CREBZF: variants seen among roughly 807,000 people sequenced by gnomAD.
CREBZF encodes CREB/ATF bZIP transcription factor, also known as HCF-binding transcription factor Zhangfei.
CREBZF carries 8 observed loss-of-function variants against 21.1 expected under a neutral mutation model. The ratio of observed to expected loss-of-function variants is 0.38; its 90% CI spans 0.22 to 0.68. The LOEUF (loss-of-function observed/expected upper bound fraction) is 0.68. Ranked by LOEUF, CREBZF falls within the 30% of genes least tolerant of loss-of-function variation. The pLI is 0.51. For missense variants in CREBZF, 518 were observed against 484.3 expected (o/e 1.07, Z -0.65); for synonymous variants, 270 against 223.3 (o/e 1.21, Z -1.86).
At chr11:85,682,528 G>A (rs2082982861) in intron 1 of CREBZF, among the ~76,000 whole-genome samples, 1 of 152,094 alleles carries the variant, frequency 6.6e-6, no homozygotes, top group South Asian at 2.1e-4. Flanking sequence ...GAACAGTACC[G>A]TCCTCAGACC....
chr11:85,674,635 T>G (rs913380830), intron 1 of CREBZF, among the ~76,000 whole-genome samples: 17 of 152,252 alleles, frequency 1.1e-4, no homozygotes, highest in Admixed American at 3.3e-4. Context: ...TGCCAGGCAT[T>G]GACTTCTCTA....
chr11:85,682,504 C>T (rs1353685169), intron 1 of CREBZF, among the ~76,000 whole-genome samples: 1 of 152,184 alleles, frequency 6.6e-6, no homozygotes, highest in African/African-American at 2.4e-5. Flanking sequence ...ACACAAACTC[C>T]TCAGCACAGC....
At chr11:85,675,034 C>T (rs139582124) in intron 1 of CREBZF, among the ~76,000 whole-genome samples, 24 of 152,320 alleles carry the variant, frequency 1.6e-4, no homozygotes, top group African/African-American at 4.8e-4. Flanking sequence ...GGTTTGGCTT[C>T]GGCTTAAAGG....
At chr11:85,666,778 A>G (rs1247268657), upstream of CREBZF, among the ~76,000 whole-genome samples, 1 of 152,238 alleles carries the variant, frequency 6.6e-6, no homozygotes, top group Non-Finnish European at 1.5e-5. Flanking sequence ...CCATAACACT[A>G]AAGCTCACCT....
rs752024778 is a variant in CREBZF, at chr11:85,664,765, C to T, written c.111G>A (p.Arg37=). 9.3e-6 allele frequency: 15 copies of T among 1,607,640 alleles called. No individual in the cohort carries two copies. The highest frequency in any genetic ancestry group is 1.1e-5 in the Non-Finnish European group (13 of 1,178,348). The change falls in exon 1 of 1, where the codon CGG becomes CGA. Residue 37 remains arginine (R), a synonymous_variant. Transcript: ENST00000527447. The surrounding 1 kb of genome is among the most constrained non-coding windows in gnomAD (Gnocchi z 5.5). ...CCGTCTCCTCCTCCCCCGCTGCAGC[C>T]CGGGTCAGGTCAGAGGGCAGCGAAC... is the stretch of plus-strand genomic sequence containing the variant. ...ATCSLPSDLT[R]AAAGEEETAA...
At position 85,658,254 on chromosome 11, in the gene CREBZF, T is replaced by C. The variant is rs534174396; in HGVS notation, c.*5557A>G. ...ATGATATAACTAAGTTCTTTGACGATTGAGCACACATTGTTTCCTTACTTA... is the reference window on the plus strand; with the variant it reads ...ATGATATAACTAAGTTCTTTGACGACTGAGCACACATTGTTTCCTTACTTA... On this transcript the variant is annotated 3_prime_UTR_variant, in exon 1 of 1. Coordinates refer to ENST00000527447, the MANE Select transcript of CREBZF (RefSeq NM_001039618.4). Among the ~76,000 whole-genome samples, 27 of 152,134 alleles carry C rather than the reference T, an allele frequency of 1.8e-4. No individual in the cohort carries two copies. Among genetic ancestry groups the C allele is most frequent in the South Asian group, 6.2e-4 (3 of 4,834 alleles).
At chr11:85,682,774 C>A in exon 1 of CREBZF, 1 of 701,046 alleles carries the variant, frequency 1.4e-6, no homozygotes, top group Non-Finnish European at 2.6e-6. Context: ...GGGACTTCTC[C>A]CCGCAGGCTG....
At chr11:85,667,935 A>C (rs977320445), upstream of CREBZF, among the ~76,000 whole-genome samples, 2 of 151,808 alleles carry the variant, frequency 1.3e-5, no homozygotes, top group African/African-American at 4.8e-5. Context: ...ACGCCATTGC[A>C]CTCTAGCCTG....
At chr11:85,672,713 G>A (rs1019166989) in intron 1 of CREBZF, among the ~76,000 whole-genome samples, 2 of 152,186 alleles carry the variant, frequency 1.3e-5, no homozygotes, top group African/African-American at 4.8e-5. Context: ...ACTTCACGAT[G>A]GCTGTCTTCA....
rs1339312111 is a variant in CREBZF at position 85,660,059 on chromosome 11, T to C, written c.*3752A>G. 1 of 152,304 alleles carries C rather than the reference T, an allele frequency of 6.6e-6. No individual in the cohort carries two copies. Among genetic ancestry groups the C allele is most frequent in the Non-Finnish European group, 1.5e-5 (1 of 68,114 alleles). The allele number at this position is 152,304 out of a possible 1,614,324, so 9.4% of individuals were successfully genotyped here. On this transcript the variant is annotated 3_prime_UTR_variant, in exon 1 of 1. Coordinates refer to ENST00000527447, the MANE Select transcript of CREBZF (RefSeq NM_001039618.4). Reference sequence around the variant, plus strand: ...TATTTAAAAGGACTACTCTTTATAGTTCAGAACTTTACATTAACTTTTATA... The same window carrying C: ...TATTTAAAAGGACTACTCTTTATAGCTCAGAACTTTACATTAACTTTTATA...
Position 85,661,364 on chromosome 11 carries a change from TAATAAA to T in CREBZF, c.*2441_*2446del, listed in dbSNP as rs1263777550. On this transcript the variant is annotated 3_prime_UTR_variant, in exon 1 of 1. Coordinates refer to ENST00000527447, the MANE Select transcript of CREBZF (RefSeq NM_001039618.4). ...GAAATGGAAACTGAGAAAAGACAGT[TAATAAA>T]ACATAAGGAACCTAACAAAGCAGCT... 1 of 152,322 alleles carries T rather than the reference TAATAAA, an allele frequency of 6.6e-6. No homozygotes were observed. The highest frequency in any genetic ancestry group is 1.5e-5 in the Non-Finnish European group (1 of 67,926). The allele number at this position is 152,322 out of a possible 1,614,324, so 9.4% of individuals were successfully genotyped here. A position where few individuals can be genotyped will look rare whatever the true frequency, so the allele number is the denominator to read the frequency against.
Position 85,659,752 on chromosome 11 carries a change from C to T in CREBZF, c.*4059G>A, listed in dbSNP as rs2082621580. On this transcript the variant is annotated 3_prime_UTR_variant, in exon 1 of 1. Transcript: ENST00000527447. ...CTTGTAATAAACTGAAAAAATATTTCAATTAAAACAACCATATGCCACAAA... is the reference window on the plus strand; with the variant it reads ...CTTGTAATAAACTGAAAAAATATTTTAATTAAAACAACCATATGCCACAAA... The T allele has an allele frequency of 6.7e-6, 1 of 150,170 alleles. No homozygotes were observed. Among genetic ancestry groups the T allele is most frequent in the Non-Finnish European group, 1.5e-5 (1 of 67,856 alleles). 9.3% of individuals were successfully genotyped at this position (150,170 alleles called of 1,614,324 possible). A position where few individuals can be genotyped will look rare whatever the true frequency, so the allele number is the denominator to read the frequency against.
chr11:85,663,725 G>T lies in CREBZF; in HGVS notation c.*86C>A. 2 of 1,594,082 alleles carry T rather than the reference G, an allele frequency of 1.3e-6. No homozygotes were observed. The highest frequency in any genetic ancestry group is 1.1e-5 in the South Asian group (1 of 87,296). On this transcript the variant is annotated 3_prime_UTR_variant, in exon 1 of 1. Coordinates refer to ENST00000527447, the MANE Select transcript of CREBZF (RefSeq NM_001039618.4). ...TTTTTCTCTCCTCTGAAATGTGTCC[G>T]GTGAAGATGTCCCACTAAGGTAAGT...
intron 1 of CREBZF, among the ~76,000 whole-genome samples, chr11:85,671,451 T>C (rs1270719335): frequency 6.6e-6 from 1 of 152,180 alleles, no homozygotes; most frequent in Non-Finnish European, 1.5e-5. Flanking sequence ...AGTCCCACAT[T>C]CAGCATTAAC....
intron 1 of CREBZF, among the ~76,000 whole-genome samples, chr11:85,676,981 T>TTTTTTTTTTTTTTTG (rs1168587081): frequency 6.8e-6 from 1 of 147,546 alleles, no homozygotes. Context: ...TTTTTTTTTT[T>TTTTTTTTTTTTTTTG]GAGACAGAAT....
Position 85,664,684 on chromosome 11 carries a change from T to A in CREBZF, c.192A>T (p.Glu64Asp). The stretch of plus-strand genomic sequence containing the variant: ...CGCCGCCGCGGCTCCCCCTCCCGGC[T>A]TCCAACTCTCCTTCGTCGCCAAACT... Reference protein sequence around the residue: ...KQQFGDEGELEAGRGSRGGVA... With the variant: ...KQQFGDEGELDAGRGSRGGVA... Residue 64 changes from glutamate to aspartate, a missense_variant, in exon 1 of 1, where the codon GAA becomes GAT. Around this residue, in one of 3 missense-constraint regions of CREBZF, gnomAD observed 396 missense variants for 324.4 expected, o/e 1.22. Coordinates refer to ENST00000527447, the MANE Select transcript of CREBZF (RefSeq NM_001039618.4). The surrounding 1 kb of genome is among the most constrained non-coding windows in gnomAD (Gnocchi z 5.5). 6.2e-7 allele frequency: 1 copy of A among 1,604,790 alleles called. No individual in the cohort carries two copies. The highest frequency in any genetic ancestry group is 8.5e-7 in the Non-Finnish European group (1 of 1,176,264).
intron 1 of CREBZF, among the ~76,000 whole-genome samples, chr11:85,678,246 C>A (rs564086569): frequency 4.6e-5 from 7 of 152,260 alleles, no homozygotes; most frequent in African/African-American, 1.7e-4. Context: ...CTCCAGGGAG[C>A]CTTTCTTCAA....
upstream of CREBZF, among the ~76,000 whole-genome samples, chr11:85,666,756 T>C (rs1355702524): frequency 1.3e-5 from 2 of 152,192 alleles, no homozygotes; most frequent in Non-Finnish European, 2.9e-5. Flanking sequence ...AAGTCTACAG[T>C]TTTGACTGAA....
In CREBZF at chr11:85,663,970, A is replaced by C. The variant is rs1591481050; in HGVS notation, c.906T>G (p.Gly302=). The part of the protein sequence containing the change: ...TTSLFRDSPA[G]DHDYALPVGK... Reference sequence around the variant, plus strand: ...CCACCGGCAGAGCGTAGTCGTGGTCACCGGCGGGCGAGTCTCTGAAGAGCG... The same window carrying C: ...CCACCGGCAGAGCGTAGTCGTGGTCCCCGGCGGGCGAGTCTCTGAAGAGCG... Residue 302 remains glycine, a synonymous_variant, in exon 1 of 1, where the codon GGT becomes GGG. Coordinates refer to ENST00000527447, the MANE Select transcript of CREBZF (RefSeq NM_001039618.4). The C allele has an allele frequency of 6.2e-7, 1 of 1,613,238 alleles. No individual in the cohort carries two copies. The highest frequency in any genetic ancestry group is 8.5e-7 in the Non-Finnish European group (1 of 1,179,936).
Sources: gnomAD v4.1 joint callset for allele counts (sites outside exome capture counted in the v4.1 genomes callset) on GRCh38, gnomAD v4.1.1 for gene constraint, gnomAD v4.1.1 regional missense constraint, Gnocchi (gnomAD v3.1) non-coding constraint, MANE v1.5 for transcripts, NCBI Gene and HGNC (gene_info 2026-07-23, HGNC 2026-07-21) for gene names.